Variants in MSH3 observed in about 807,000 individuals in gnomAD.
MSH3 encodes the protein DNA mismatch repair protein Msh3.
In MSH3, 106 loss-of-function variants were observed where a neutral mutation model predicts 123.3. The ratio of observed to expected loss-of-function variants is 0.86; its 90% CI spans 0.73 to 1.01. MSH3 has a LOEUF of 1.01. MSH3 is among the 50% of genes least tolerant of loss of function. The pLI is 0.00. For synonymous variants in MSH3, 515 were observed against 481.4 expected (o/e 1.07, Z -0.91); for missense variants, 1,459 against 1,347.6 (o/e 1.08, Z -1.29).
chr5:80,682,008 C>T (rs532597156), intron 8 of MSH3, among the ~76,000 whole-genome samples: 1 of 152,222 alleles, frequency 6.6e-6, no homozygotes, highest in South Asian at 2.1e-4. Context: ...GTTTACTGAC[C>T]GTGTGTAATT....
intron 10 of MSH3, 100 bp downstream of exon 10, chr5:80,729,065 A>C: frequency 1.3e-6 from 1 of 746,692 alleles, no homozygotes; most frequent in Non-Finnish European, 2.4e-6. Context: ...CTTGCCTGCT[A>C]TTGATAGAAT....
chr5:80,697,549 C>A lies in MSH3; in HGVS notation c.1340+18456C>A, dbSNP rs1234682215. 3.9e-5 allele frequency among the ~76,000 whole-genome samples: 6 copies of A among 152,194 alleles called. No homozygotes were observed. The East Asian group carries it at 1.2e-3, about 29-fold the overall frequency. Reference sequence around the variant, plus strand: ...AACTATCAGGTTATAGTAGTGATGTCCTTACAAATATGTCAGTATTATTGA... The same window carrying A: ...AACTATCAGGTTATAGTAGTGATGTACTTACAAATATGTCAGTATTATTGA... On this transcript the variant is annotated intron_variant, in intron 8 of 23. Transcript: ENST00000265081.
At chr5:80,695,052 A>T (rs574827230) in intron 8 of MSH3, among the ~76,000 whole-genome samples, 6 of 148,076 alleles carry the variant, frequency 4.1e-5, no homozygotes, top group Admixed American at 1.3e-4. Context: ...TATTTCTTCA[A>T]GGTTTTTGTT....
chr5:80,766,339 C>CTTTTTTTTTTTTT lies in MSH3; in HGVS notation c.1897-1582_1897-1570dup, dbSNP rs1166492002. On this transcript the variant is annotated intron_variant, in intron 13 of 23. Transcript: ENST00000265081. ...TCTTCTTTTCTAGTGTGTTTTTTTC[C>CTTTTTTTTTTTTT]TTTTTTTTTTTTTTTTTTTTTTTTG... Among the ~76,000 whole-genome samples the CTTTTTTTTTTTTT allele has an allele frequency of 6.4e-5, 5 of 78,210 alleles. 1 individual carries two copies. The highest frequency in any genetic ancestry group is 4.4e-4 in the East Asian group (1 of 2,284). 51.3% of individuals were successfully genotyped at this position (78,210 alleles called of 152,430 possible). A position where few individuals can be genotyped will look rare whatever the true frequency, so the allele number is the denominator to read the frequency against.
At chr5:80,700,191 C>G (rs1332713674) in intron 8 of MSH3, among the ~76,000 whole-genome samples, 4 of 152,070 alleles carry the variant, frequency 2.6e-5, no homozygotes, top group Admixed American at 2.6e-4. Flanking sequence ...GTCAGCCTGG[C>G]CAACATGGTG....
intron 19 of MSH3, 126 bp downstream of exon 19, chr5:80,792,970 C>A (rs1402302124): frequency 7.5e-6 from 5 of 667,902 alleles, no homozygotes; most frequent in Non-Finnish European, 1.3e-5. Flanking sequence ...TAAGCCTGGA[C>A]ATAGTTTTAT....
intron 10 of MSH3, among the ~76,000 whole-genome samples, chr5:80,731,519 T>C (rs1388035554): frequency 6.6e-6 from 1 of 151,342 alleles, no homozygotes; most frequent in East Asian, 1.9e-4. Flanking sequence ...TTTTATTATA[T>C]ATTATTATAT....
chr5:80,860,890 AT>A (rs1746004117), intron 21 of MSH3, among the ~76,000 whole-genome samples: 1 of 150,878 alleles, frequency 6.6e-6, no homozygotes, highest in African/African-American at 2.4e-5. Context: ...CATTTTGGAG[AT>A]TTCTATTAAG....
intron 20 of MSH3, among the ~76,000 whole-genome samples, chr5:80,822,144 C>T (rs1310281144): frequency 6.6e-6 from 1 of 152,164 alleles, no homozygotes; most frequent in Non-Finnish European, 1.5e-5. Context: ...ACTCAAGATT[C>T]TGTACAAGTT....
chr5:80,760,363 A>G (rs1452763716), intron 12 of MSH3, among the ~76,000 whole-genome samples: 1 of 152,192 alleles, frequency 6.6e-6, no homozygotes, highest in Non-Finnish European at 1.5e-5. Context: ...ACCACATCTC[A>G]TTGATGATAC....
intron 7 of MSH3, among the ~76,000 whole-genome samples, chr5:80,675,896 T>C: frequency 6.6e-6 from 1 of 152,368 alleles, no homozygotes; most frequent in Admixed American, 6.5e-5. Flanking sequence ...ATGACTATGG[T>C]ATTATATCTA....
intron 20 of MSH3, among the ~76,000 whole-genome samples, chr5:80,839,106 C>A (rs1745569540): frequency 6.6e-6 from 1 of 152,296 alleles, no homozygotes; most frequent in Admixed American, 6.5e-5. Context: ...GTGGCTCAAA[C>A]TTGTAATCCC....
intron 20 of MSH3, among the ~76,000 whole-genome samples, chr5:80,828,814 C>A (rs1745368076): frequency 1.3e-5 from 2 of 152,198 alleles, no homozygotes; most frequent in African/African-American, 4.8e-5. Context: ...TGTCTTGCTT[C>A]CTAGATACAC....
chr5:80,656,385 A>T (rs763514666), intron 1 of MSH3, 26 bp from the exon 2 acceptor site: 19 of 1,613,820 alleles, frequency 1.2e-5, no homozygotes, highest in Non-Finnish European at 1.6e-5. Flanking sequence ...GAGATAACAC[A>T]TCATTTTCTA....
intron 10 of MSH3, among the ~76,000 whole-genome samples, chr5:80,729,522 A>G (rs1010794630): frequency 6.7e-6 from 1 of 150,290 alleles, no homozygotes; most frequent in Non-Finnish European, 1.5e-5. Flanking sequence ...TAGCTATTTG[A>G]TATATTATAG....
chr5:80,784,212 C>CAAAAAA (rs1192783960), intron 17 of MSH3, among the ~76,000 whole-genome samples: 127 of 11,914 alleles, frequency 0.011, 6 homozygotes, highest in Admixed American at 0.02. Context: ...TACTACGTCG[C>CAAAAAA]AAAAAAAAAA....
chr5:80,824,711 C>G (rs3797897), intron 20 of MSH3, among the ~76,000 whole-genome samples: 12,291 of 152,256 alleles, frequency 0.081, 893 homozygotes, highest in East Asian at 0.33. Context: ...CACAAGTCTA[C>G]AAGTATACAT....
chr5:80,792,603 T>TA, intron 18 of MSH3, 130 bp from the exon 19 acceptor site: 1 of 661,864 alleles, frequency 1.5e-6, no homozygotes, highest in East Asian at 2.8e-5. Context: ...CATATGTTCT[T>TA]AAAATCTATG....
intron 4 of MSH3, 49 bp downstream of exon 4, chr5:80,670,358 A>T: frequency 6.4e-7 from 1 of 1,561,634 alleles, no homozygotes. Flanking sequence ...GTCTAGCCTT[A>T]GATATTTTTC....
Sources: allele counts gnomAD v4.1 joint callset (sites outside exome capture counted in the v4.1 genomes callset), GRCh38; gene constraint gnomAD v4.1.1; transcripts MANE v1.5; gene names NCBI Gene and HGNC (gene_info 2026-07-23, HGNC 2026-07-21).